Variants in RSAD1 observed in about 807,000 individuals in gnomAD.
RSAD1 encodes the protein radical S-adenosyl methionine domain containing 1, also known as radical S-adenosyl methionine domain-containing protein 1, mitochondrial.
A neutral mutation model predicts 46.2 loss-of-function variants in RSAD1; 34 were observed. The observed-to-expected ratio is 0.74, with a 90% CI of 0.56 to 0.98. The LOEUF is 0.98. RSAD1 is among the 50% of genes least tolerant of loss of function. RSAD1 has a pLI of 0.00. For synonymous variants in RSAD1, 260 were observed against 253.5 expected, an observed-to-expected ratio of 1.03 and a Z score of -0.24; for missense variants, 635 against 592.3, an observed-to-expected ratio of 1.07 and a Z score of -0.75.
chr17:50,484,621 G>A, intron 8 of RSAD1, 76 bp downstream of exon 8: 2 of 1,545,536 alleles, frequency 1.3e-6, no homozygotes, highest in Middle Eastern at 1.7e-4. Context: ...ACAGACCCAG[G>A]AGAAGTGAGA....
chr17:50,484,358 C>G, intron 7 of RSAD1, 84 bp from the exon 8 acceptor site: 1 of 1,214,740 alleles, frequency 8.2e-7, no homozygotes, highest in Non-Finnish European at 1.2e-6. Flanking sequence ...GAACTGGACC[C>G]TCCCCCACCT....
chr17:50,481,206 G>A (rs1326152150), intron 3 of RSAD1, among the ~76,000 whole-genome samples: 1 of 152,202 alleles, frequency 6.6e-6, no homozygotes, highest in Non-Finnish European at 1.5e-5. Context: ...GCCCCTGACT[G>A]GGGAGGAAGG....
In RSAD1 at chr17:50,484,424, A is replaced by G; in HGVS notation, c.1108-18A>G. The G allele has an allele frequency of 6.2e-7, 1 of 1,611,366 alleles. No homozygotes were observed. The highest frequency in any genetic ancestry group is 1.3e-5 in the African/African-American group (1 of 74,990). ...TAGCCAGGCCAGCTCCCCACCTCTGACCCTCTGGCTTCCCCAGCACTGGCA... is the reference window on the plus strand; with the variant it reads ...TAGCCAGGCCAGCTCCCCACCTCTGGCCCTCTGGCTTCCCCAGCACTGGCA... On this transcript the variant is annotated intron_variant, in intron 7 of 8. Coordinates refer to ENST00000258955, the MANE Select transcript of RSAD1 (RefSeq NM_018346.3).
Position 50,479,762 on chromosome 17 carries a change from G to C in RSAD1, c.269G>C (p.Arg90Pro), listed in dbSNP as rs766183805. Residue 90 changes from arginine (R) to proline (P), a missense_variant and splice_region_variant, in exon 2 of 9, where the codon CGG becomes CCG. Transcript: ENST00000258955. ...CTGCTGCGGCTCAGCGGGGTGCAAC[G>C]GTGGGTAGTGGGGGCTGTAGGCAGC... ...QTLLRLSGVQ[R>P]VESVFFGGGT... 1 of 1,607,182 alleles carries C rather than the reference G, an allele frequency of 6.2e-7. No individual in the cohort carries two copies. The highest frequency in any genetic ancestry group is 1.1e-5 in the South Asian group (1 of 89,872).
At position 50,482,395 on chromosome 17, in the gene RSAD1, G is replaced by T. The variant is rs532267685; in HGVS notation, c.779G>T (p.Gly260Val). 1.3e-5 allele frequency: 21 copies of T among 1,599,696 alleles called. No individual in the cohort carries two copies. In the African/African-American group the frequency reaches 2.5e-4, roughly 19 times the overall value. The change falls in exon 4 of 9, where the codon GGC becomes GTC. Residue 260 changes from glycine to valine, a missense_variant. Physicochemically the swap from Gly to Val is moderately radical, Grantham distance 109. Transcript: ENST00000258955. ...CTCGCAGCTGAGATGTACCAGAGGGGCCGGGCTGTCCTTCGGGAGGCTGGC... is the reference window on the plus strand; with the variant it reads ...CTCGCAGCTGAGATGTACCAGAGGGTCCGGGCTGTCCTTCGGGAGGCTGGC... ...PELAAEMYQR[G>V]RAVLREAGFH...
Position 50,479,714 on chromosome 17 carries a change from G to A in RSAD1, c.221G>A (p.Cys74Tyr), listed in dbSNP as rs1213781794. 1.9e-6 allele frequency: 3 copies of A among 1,613,688 alleles called. No individual in the cohort carries two copies. The Admixed American group carries it at 5.0e-5, about 27-fold the overall frequency. Residue 74 changes from cysteine (C) to tyrosine (Y), a missense_variant, in exon 2 of 9, where the codon TGT (cysteine) becomes TAT (tyrosine). Transcript: ENST00000258955. The part of the protein sequence containing the change: ...RRLEEAAMQK[C>Y]LVTEAQTLLR... ...CTGGAGGAGGCTGCCATGCAGAAGT[G>A]TCTGGTGACCGAAGCTCAGACGCTG...
chr17:50,484,361 C>A, intron 7 of RSAD1, 81 bp from the exon 8 acceptor site: 1 of 1,256,104 alleles, frequency 8.0e-7, no homozygotes, highest in Non-Finnish European at 1.1e-6. Flanking sequence ...CTGGACCCTC[C>A]CCCACCTCTC....
In RSAD1 at chr17:50,478,963, G is replaced by A. The variant is rs1248659940; in HGVS notation, c.79G>A (p.Ala27Thr). ...CCAGAGGCGCCGCCGCGTGGAGAAC[G>A]CAGGAGGGTCCCCGAGTCCTGAGCC... Reference protein sequence around the residue: ...AAQRRRRVENAGGSPSPEPAG... With the variant: ...AAQRRRRVENTGGSPSPEPAG... The change falls in exon 1 of 9, where the codon GCA (alanine) becomes ACA (threonine). Residue 27 changes from alanine to threonine, a missense_variant. Ala to Thr is a moderately conservative substitution (Grantham distance 58). Coordinates refer to ENST00000258955, the MANE Select transcript of RSAD1 (RefSeq NM_018346.3). 4.3e-6 allele frequency: 6 copies of A among 1,402,012 alleles called. No homozygotes were observed. In the African/African-American group the frequency reaches 6.0e-5, roughly 14 times the overall value. The allele number at this position is 1,402,012 out of a possible 1,614,324, so 86.8% of individuals were successfully genotyped here.
At chr17:50,484,640 C>T in intron 8 of RSAD1, 95 bp downstream of exon 8, 1 of 1,522,732 alleles carries the variant, frequency 6.6e-7, no homozygotes, top group East Asian at 2.3e-5. Flanking sequence ...GAAAGACTGA[C>T]TGGTAAGGCG....
chr17:50,481,802 A>G (rs1358689288), intron 3 of RSAD1, among the ~76,000 whole-genome samples: 1 of 152,220 alleles, frequency 6.6e-6, no homozygotes. Flanking sequence ...TTGCAACTGT[A>G]TGGCCTGGAC....
At position 50,482,718 on chromosome 17, in the gene RSAD1, G is replaced by T; in HGVS notation, c.904+12G>T. On this transcript the variant is annotated intron_variant, in intron 5 of 8. Transcript: ENST00000258955. ...TGGCGTTGGGCCTGGTGAGTCCCGT[G>T]AACTACAGAAAGGGTGACTCAGGAG... 6.2e-7 allele frequency: 1 copy of T among 1,612,658 alleles called. No individual in the cohort carries two copies. Among genetic ancestry groups the T allele is most frequent in the South Asian group, 1.1e-5 (1 of 90,888 alleles).
intron 1 of RSAD1, chr17:50,479,279 G>C (rs1034681229): frequency 1.4e-4 from 67 of 476,210 alleles, no homozygotes; most frequent in African/African-American, 1.3e-3. Context: ...CTCTTAGCAA[G>C]ACAAAATTTT....
intron 3 of RSAD1, 154 bp downstream of exon 3, chr17:50,480,238 A>C (rs951070133): frequency 8.5e-6 from 6 of 709,756 alleles, no homozygotes; most frequent in Non-Finnish European, 1.2e-5. Flanking sequence ...TAACTCCTTA[A>C]TTGTCTGCTG....
In RSAD1 at chr17:50,485,192, C is replaced by T; in HGVS notation, c.*331C>T. On this transcript the variant is annotated 3_prime_UTR_variant, in exon 9 of 9. Transcript: ENST00000258955. The stretch of plus-strand genomic sequence containing the variant: ...ATCTTTCTACAGGCAATTACCTCCC[C>T]AAGAGAAGCCTTCCTTATTTTGGAG... The T allele has an allele frequency of 3.1e-6, 1 of 320,628 alleles. No individual in the cohort carries two copies. Among genetic ancestry groups the T allele is most frequent in the Middle Eastern group, 9.1e-4 (1 of 1,104 alleles). 19.9% of individuals were successfully genotyped at this position (320,628 alleles called of 1,614,324 possible). A position where few individuals can be genotyped will look rare whatever the true frequency, so the allele number is the denominator to read the frequency against.
chr17:50,482,759 G>A, intron 5 of RSAD1, 53 bp downstream of exon 5: 1 of 1,558,376 alleles, frequency 6.4e-7, no homozygotes, highest in Non-Finnish European at 8.8e-7. Context: ...TGTCGTGGCT[G>A]TGTGAACTTG....
intron 7 of RSAD1, 140 bp from the exon 8 acceptor site, chr17:50,484,302 G>A: frequency 1.5e-6 from 1 of 682,654 alleles, no homozygotes; most frequent in Non-Finnish European, 2.5e-6. Flanking sequence ...TGGCCCATTG[G>A]CCTGGTTCTG....
chr17:50,484,764 A>G lies in RSAD1; in HGVS notation c.1232A>G (p.Glu411Gly). The change falls in exon 9 of 9, where the codon GAG becomes GGG. Residue 411 changes from glutamate to glycine, a missense_variant. Coordinates refer to ENST00000258955, the MANE Select transcript of RSAD1 (RefSeq NM_018346.3). ...TCCAGGGGTCTTCGGTGTTCCTGGG[A>G]GGGTCTGGCTGTGCTGGACTCTCTC... ...LDHRGLRCSW[E>G]GLAVLDSLLL... 1.2e-6 allele frequency: 2 copies of G among 1,613,856 alleles called. No homozygotes were observed. The highest frequency in any genetic ancestry group is 1.3e-5 in the African/African-American group (1 of 74,964).
At chr17:50,483,814 A>G in intron 7 of RSAD1, 54 bp downstream of exon 7, 2 of 1,518,928 alleles carry the variant, frequency 1.3e-6, no homozygotes, top group East Asian at 2.3e-5. Flanking sequence ...TGCAGAATCA[A>G]TGCCCCCTCC....
At chr17:50,484,674 G>T in intron 8 of RSAD1, 70 bp from the exon 9 acceptor site, 1 of 1,532,366 alleles carries the variant, frequency 6.5e-7, no homozygotes. Context: ...CTGGGAGCTC[G>T]GCCCTGCTGG....
Sources: gnomAD v4.1 joint callset for allele counts (sites outside exome capture counted in the v4.1 genomes callset) on GRCh38, gnomAD v4.1.1 for gene constraint, MANE v1.5 for transcripts, NCBI Gene and HGNC (gene_info 2026-07-23, HGNC 2026-07-21) for gene names.